MBOAT2: variants seen among roughly 807,000 people sequenced by gnomAD.
MBOAT2 encodes membrane bound glycerophospholipid O-acyltransferase 2, also known as membrane-bound glycerophospholipid O-acyltransferase 2.
MBOAT2 carries 28 observed loss-of-function variants against 63.4 expected under a neutral mutation model. The observed-to-expected ratio is 0.44, with a 90% CI of 0.33 to 0.61. The LOEUF (loss-of-function observed/expected upper bound fraction) is 0.61, where lower values mean the gene tolerates loss of function less well. MBOAT2 is among the 20% of genes least tolerant of loss of function. MBOAT2 has a pLI of 0.03. For synonymous variants in MBOAT2, 211 were observed against 215.6 expected (o/e 0.98, Z 0.19); for missense variants, 470 against 605.8 (o/e 0.78, Z 2.35).
At position 8,862,509 on chromosome 2, in the gene MBOAT2, A is replaced by G. The variant is rs2148508546; in HGVS notation, c.1185+81T>C. 6.7e-7 allele frequency: 1 copy of G among 1,498,952 alleles called. No homozygotes were observed. Among genetic ancestry groups the G allele is most frequent in the South Asian group, 1.3e-5 (1 of 78,030 alleles). 92.9% of individuals were successfully genotyped at this position (1,498,952 alleles called of 1,614,324 possible). On this transcript the variant is annotated intron_variant, in intron 11 of 12. Transcript: ENST00000305997. The surrounding 1 kb of genome is among the most constrained non-coding windows in gnomAD (Gnocchi z 4.3). Reference sequence around the variant, plus strand: ...GACCACGACCAAGGAAAGAGGGTCTACCTTGTAAGAGAGATGTACTCAGCC... The same window carrying G: ...GACCACGACCAAGGAAAGAGGGTCTGCCTTGTAAGAGAGATGTACTCAGCC...
At chr2:8,999,746 TAA>T (rs1411163260) in intron 1 of MBOAT2, among the ~76,000 whole-genome samples, 1 of 152,136 alleles carries the variant, frequency 6.6e-6, no homozygotes, top group Non-Finnish European at 1.5e-5. Context: ...ACCCTAGAAA[TAA>T]AGTCATCTGG....
intron 3 of MBOAT2, among the ~76,000 whole-genome samples, chr2:8,917,159 T>C (rs952295848): frequency 9.2e-5 from 14 of 152,292 alleles, no homozygotes; most frequent in African/African-American, 3.1e-4. Flanking sequence ...GCATAAAAAC[T>C]AGAACTGTAA....
intron 9 of MBOAT2, among the ~76,000 whole-genome samples, chr2:8,864,870 TG>T (rs1661757988): frequency 6.6e-6 from 1 of 152,234 alleles, no homozygotes; most frequent in Non-Finnish European, 1.5e-5. Flanking sequence ...TCTCCTCCTC[TG>T]GTCTTCACTT....
chr2:8,961,676 T>G (rs1669613466), intron 1 of MBOAT2, among the ~76,000 whole-genome samples: 1 of 152,232 alleles, frequency 6.6e-6, no homozygotes, highest in African/African-American at 2.4e-5. Context: ...CTGGTTTTCC[T>G]TTTGGTAAAA....
intron 6 of MBOAT2, among the ~76,000 whole-genome samples, chr2:8,880,273 A>G (rs527829963): frequency 6.6e-6 from 1 of 152,198 alleles, no homozygotes; most frequent in Admixed American, 6.5e-5. Context: ...CAGTCAGATT[A>G]GAGATTAATT....
chr2:8,977,961 G>A (rs1383277660), intron 1 of MBOAT2, among the ~76,000 whole-genome samples: 4 of 152,102 alleles, frequency 2.6e-5, no homozygotes, highest in East Asian at 3.9e-4. Flanking sequence ...CTGTCTCCAC[G>A]GCTGCGATGG....
At chr2:8,923,067 A>G (rs1165704965) in intron 3 of MBOAT2, among the ~76,000 whole-genome samples, 2 of 152,244 alleles carry the variant, frequency 1.3e-5, no homozygotes, top group African/African-American at 4.8e-5. Flanking sequence ...TGCAGGGGTT[A>G]TAATAGTCCT....
intron 2 of MBOAT2, among the ~76,000 whole-genome samples, chr2:8,955,529 G>A (rs1390139704): frequency 1.3e-5 from 2 of 152,172 alleles, no homozygotes; most frequent in African/African-American, 4.8e-5. Context: ...TTTCCTTCTT[G>A]AATTAAAGCT....
rs1672874463 is a variant in MBOAT2, at chr2:9,003,603, G to C, written c.12C>G (p.Thr4=). The C allele has an allele frequency of 1.7e-6, 2 of 1,206,580 alleles. No individual in the cohort carries two copies. Among genetic ancestry groups the C allele is most frequent in the Non-Finnish European group, 2.1e-6 (2 of 968,754 alleles). 74.7% of individuals were successfully genotyped at this position (1,206,580 alleles called of 1,614,324 possible). The change falls in exon 1 of 13, where the codon ACC becomes ACG. Residue 4 remains threonine (T), a synonymous_variant. Transcript: ENST00000305997. The surrounding 1 kb of genome is among the most constrained non-coding windows in gnomAD (Gnocchi z 5.4). Reference sequence around the variant, plus strand: ...GCAGCAGGGTGGAGCCCGTGGTGCTGGTGGTGGCCATGGCCGGGCCTCGGC... The same window carrying C: ...GCAGCAGGGTGGAGCCCGTGGTGCTCGTGGTGGCCATGGCCGGGCCTCGGC... The part of the protein sequence containing the change: MAT[T]STTGSTLLQP...
chr2:8,882,467 A>T lies in MBOAT2; in HGVS notation c.506+44T>A. ...CACAGAAGGAACGTGGGTCCTAGGC[A>T]GGGGCGCAGGAAGCATGGCAGAATA... On this transcript the variant is annotated intron_variant, in intron 6 of 12. Coordinates refer to ENST00000305997, the MANE Select transcript of MBOAT2 (RefSeq NM_138799.4). 2 of 1,593,606 alleles carry T rather than the reference A, an allele frequency of 1.3e-6. 1 individual carries two copies. The highest frequency in any genetic ancestry group is 2.2e-5 in the South Asian group (2 of 90,630).
intron 3 of MBOAT2, among the ~76,000 whole-genome samples, chr2:8,930,238 G>T (rs1208660963): frequency 1.3e-5 from 2 of 152,182 alleles, no homozygotes; most frequent in African/African-American, 4.8e-5. Flanking sequence ...CCTGCTGCAC[G>T]TACTTCCCAC....
Position 8,913,335 on chromosome 2 carries a change from G to A in MBOAT2, c.300-4619C>T, listed in dbSNP as rs549643830. Among the ~76,000 whole-genome samples, 6 of 152,060 alleles carry A rather than the reference G, an allele frequency of 3.9e-5. No homozygotes were observed. In the South Asian group the frequency reaches 1.0e-3, roughly 26 times the overall value. ...GCAATAAAAACAAAGATAAATAGTT[G>A]GGACCTATTTAAACTGAAGAGCTTT... is the stretch of plus-strand genomic sequence containing the variant. On this transcript the variant is annotated intron_variant, in intron 3 of 12. Coordinates refer to ENST00000305997, the MANE Select transcript of MBOAT2 (RefSeq NM_138799.4).
At chr2:8,860,926 C>A (rs1661447776) in intron 11 of MBOAT2, 162 bp from the exon 12 acceptor site, 3 of 559,516 alleles carry the variant, frequency 5.4e-6, no homozygotes, top group Non-Finnish European at 9.3e-6. Context: ...AAAGTTCGTT[C>A]TAAAAAAGCG....
chr2:8,992,692 C>T (rs1407026797), intron 1 of MBOAT2, among the ~76,000 whole-genome samples: 3 of 152,214 alleles, frequency 2.0e-5, no homozygotes, highest in East Asian at 1.9e-4. Flanking sequence ...ATCTCCAAAA[C>T]CTGAAAAAGT....
chr2:8,968,567 G>A (rs1207863040), intron 1 of MBOAT2, among the ~76,000 whole-genome samples: 2 of 152,080 alleles, frequency 1.3e-5, no homozygotes, highest in African/African-American at 4.8e-5. Context: ...GGCTTCAGAC[G>A]ATCAAACTTC....
At chr2:8,919,138 C>T (rs1296415444) in intron 3 of MBOAT2, among the ~76,000 whole-genome samples, 3 of 152,156 alleles carry the variant, frequency 2.0e-5, no homozygotes, top group African/African-American at 2.4e-5. Flanking sequence ...TGCCACATTT[C>T]GTTTATCCTT....
Position 9,003,532 on chromosome 2 carries a change from C to T in MBOAT2, c.75+8G>A. 3.3e-6 allele frequency: 4 copies of T among 1,202,104 alleles called. No individual in the cohort carries two copies. The highest frequency in any genetic ancestry group is 4.1e-6 in the Non-Finnish European group (4 of 966,992). 74.5% of individuals were successfully genotyped at this position (1,202,104 alleles called of 1,614,324 possible). A position where few individuals can be genotyped will look rare whatever the true frequency, so the allele number is the denominator to read the frequency against. On this transcript the variant is annotated splice_region_variant and intron_variant, in intron 1 of 12. Coordinates refer to ENST00000305997, the MANE Select transcript of MBOAT2 (RefSeq NM_138799.4). The surrounding 1 kb of genome is among the most constrained non-coding windows in gnomAD (Gnocchi z 5.4). ...CGCGACGCCCGGCGCCAGGGCGCCT[C>T]GGGGTACCTGGTCGATGGGCAGCTG...
chr2:8,919,084 T>C (rs1186003402), intron 3 of MBOAT2, among the ~76,000 whole-genome samples: 1 of 152,234 alleles, frequency 6.6e-6, no homozygotes, highest in Non-Finnish European at 1.5e-5. Flanking sequence ...TATCAGCAGT[T>C]TGTTCCTTTG....
intron 1 of MBOAT2, among the ~76,000 whole-genome samples, chr2:8,982,309 A>C (rs866207967): frequency 2.0e-5 from 3 of 152,214 alleles, no homozygotes; most frequent in African/African-American, 2.4e-5. Flanking sequence ...CTTCACAAAA[A>C]AATATTTCTC....
Sources: gnomAD v4.1 joint callset for allele counts (sites outside exome capture counted in the v4.1 genomes callset) on GRCh38, gnomAD v4.1.1 for gene constraint, Gnocchi (gnomAD v3.1) non-coding constraint, MANE v1.5 for transcripts, NCBI Gene and HGNC (gene_info 2026-07-23, HGNC 2026-07-21) for gene names.